Variants in TMEM207 observed in about 807,000 individuals in gnomAD.
The protein encoded by TMEM207 is transmembrane protein 207.
Under a neutral mutation model 17.4 loss-of-function variants are expected in TMEM207, and 15 were observed. The observed-to-expected ratio is 0.86, with a 90% confidence interval of 0.58 to 1.33. The LOEUF is 1.33. Ranked by LOEUF, TMEM207 falls within the 40% of genes most tolerant of loss-of-function variation. The pLI, the probability that TMEM207 is intolerant of heterozygous loss-of-function variation, is 0.00. For missense variants in TMEM207, 205 were observed against 173.8 expected (o/e 1.18, Z -1.01); for synonymous variants, 70 against 65.6 (o/e 1.07, Z -0.33).
intron 4 of TMEM207, among the ~76,000 whole-genome samples, chr3:190,434,763 T>C (rs1281265301): frequency 6.6e-6 from 1 of 152,152 alleles, no homozygotes. Flanking sequence ...AGACATGAGG[T>C]CATTGAGCGG....
At chr3:190,430,740 A>G (rs1719673990) in intron 4 of TMEM207, among the ~76,000 whole-genome samples, 1 of 152,082 alleles carries the variant, frequency 6.6e-6, no homozygotes, top group Non-Finnish European at 1.5e-5. Flanking sequence ...CATATTGTCT[A>G]TGGCTGCTGT....
At chr3:190,449,656 A>G in intron 1 of TMEM207, 79 bp downstream of exon 1, 4 of 1,315,528 alleles carry the variant, frequency 3.0e-6, no homozygotes, top group Non-Finnish European at 4.4e-6. Context: ...TTGCTCACAT[A>G]TAAATCTATA....
At chr3:190,441,568 A>G in intron 2 of TMEM207, 86 bp from the exon 3 acceptor site, 1 of 1,078,624 alleles carries the variant, frequency 9.3e-7, no homozygotes, top group Non-Finnish European at 1.4e-6. Context: ...TACTGATCAC[A>G]CTTGTTTCTC....
rs1222354171 is a variant in TMEM207, at chr3:190,440,341, C to T, written c.207G>A (p.Val69=). Residue 69 remains valine, a synonymous_variant, in exon 4 of 5, where the codon GTG becomes GTA. Transcript: ENST00000354905. ...TCAGCCAGCACTGGAGGCAGAGGAC[C>T]ACAGCTCCACAGAGAAGAGCTGCCA... is the stretch of plus-strand genomic sequence containing the variant. ...VLVAALLCGA[V]VLCLQCWLRR... 4 of 1,613,858 alleles carry T rather than the reference C, an allele frequency of 2.5e-6. No homozygotes were observed. Among genetic ancestry groups the T allele is most frequent in the Non-Finnish European group, 1.7e-6 (2 of 1,179,934 alleles).
At chr3:190,441,182 C>G (rs921668567) in intron 3 of TMEM207, among the ~76,000 whole-genome samples, 18 of 152,146 alleles carry the variant, frequency 1.2e-4, no homozygotes, top group Admixed American at 9.2e-4. Context: ...GATTTCAAGA[C>G]AAATAACAAT....
At chr3:190,431,695 A>G (rs1577441802) in intron 4 of TMEM207, among the ~76,000 whole-genome samples, 1 of 152,250 alleles carries the variant, frequency 6.6e-6, no homozygotes, top group East Asian at 1.9e-4. Context: ...AGTCAAAGGT[A>G]ACTATCTTTC....
In TMEM207 at chr3:190,429,635, C is replaced by A. The variant is rs773266581; in HGVS notation, c.401G>T (p.Gly134Val). 6.2e-7 allele frequency: 1 copy of A among 1,613,182 alleles called. No individual in the cohort carries two copies. Among genetic ancestry groups the A allele is most frequent in the Admixed American group, 1.7e-5 (1 of 59,898 alleles). ...PVPAPCFGPLGSPPPYEEIVK... is the reference protein window; with the variant it reads ...PVPAPCFGPLVSPPPYEEIVK... ...AATTTCTTCATATGGAGGTGGGGAG[C>A]CTAAAGGGCCAAAACATGGAGCAGG... The change falls in exon 5 of 5, where the codon GGC becomes GTC. Residue 134 changes from glycine to valine, a missense_variant. Coordinates refer to ENST00000354905, the MANE Select transcript of TMEM207 (RefSeq NM_207316.3).
chr3:190,444,130 T>G (rs1315852164), intron 2 of TMEM207, among the ~76,000 whole-genome samples: 1 of 152,212 alleles, frequency 6.6e-6, no homozygotes, highest in Non-Finnish European at 1.5e-5. Context: ...TTCATTGGTT[T>G]CTCTGTTACA....
intron 4 of TMEM207, 27 bp downstream of exon 4, chr3:190,440,217 G>A (rs373485354): frequency 3.2e-6 from 5 of 1,578,432 alleles, no homozygotes; most frequent in Middle Eastern, 3.4e-4. Context: ...TATCAAAAAA[G>A]AGTCCAGAAG....
chr3:190,432,488 A>G (rs1719712597), intron 4 of TMEM207, among the ~76,000 whole-genome samples: 2 of 152,236 alleles, frequency 1.3e-5, no homozygotes. Context: ...CTCCTGGGAA[A>G]TGCTCAATGA....
chr3:190,441,555 T>C lies in TMEM207; in HGVS notation c.114-73A>G. On this transcript the variant is annotated intron_variant, in intron 2 of 4. Transcript: ENST00000354905. ...GCCTATTTCTTTCACCCAATAAAAT[T>C]GGTACTGATCACACTTGTTTCTCCA... The C allele has an allele frequency of 4.0e-6, 5 of 1,240,394 alleles. No homozygotes were observed. The South Asian group carries it at 6.4e-5, about 16-fold the overall frequency. 76.8% of individuals were successfully genotyped at this position (1,240,394 alleles called of 1,614,324 possible). A position where few individuals can be genotyped will look rare whatever the true frequency, so the allele number is the denominator to read the frequency against.
At position 190,429,694 on chromosome 3, in the gene TMEM207, G is replaced by A. The variant is rs752008727; in HGVS notation, c.342C>T (p.His114=). The part of the protein sequence containing the change: ...EAAVSPTVGI[H]LQTQTPDLYP... The stretch of plus-strand genomic sequence containing the variant: ...ATAGGTCAGGGGTTTGAGTTTGAAG[G>A]TGAATTCCAACAGTTGGACTCACAG... The change falls in exon 5 of 5, where the codon CAC becomes CAT. Residue 114 remains histidine, a synonymous_variant. Coordinates refer to ENST00000354905, the MANE Select transcript of TMEM207 (RefSeq NM_207316.3). 2 of 1,612,046 alleles carry A rather than the reference G, an allele frequency of 1.2e-6. No homozygotes were observed. The highest frequency in any genetic ancestry group is 8.5e-7 in the Non-Finnish European group (1 of 1,179,108).
chr3:190,429,369 A>G lies in TMEM207; in HGVS notation c.*226T>C, dbSNP rs909417782. ...AGCATTAATTTGGTTGTGTAGCATAAAAGTATGATACAGCAGTGACACATC... is the reference window on the plus strand; with the variant it reads ...AGCATTAATTTGGTTGTGTAGCATAGAAGTATGATACAGCAGTGACACATC... On this transcript the variant is annotated 3_prime_UTR_variant, in exon 5 of 5. Transcript: ENST00000354905. 1 of 508,064 alleles carries G rather than the reference A, an allele frequency of 2.0e-6. No individual in the cohort carries two copies. The highest frequency in any genetic ancestry group is 3.5e-5 in the Admixed American group (1 of 28,718). The allele number at this position is 508,064 out of a possible 1,614,324, so 31.5% of individuals were successfully genotyped here.
At chr3:190,431,252 G>A (rs556968519) in intron 4 of TMEM207, among the ~76,000 whole-genome samples, 42 of 151,996 alleles carry the variant, frequency 2.8e-4, no homozygotes, top group Admixed American at 9.2e-4. Context: ...TATAATACTC[G>A]TGTCTACCTC....
chr3:190,447,202 C>T, intron 2 of TMEM207, among the ~76,000 whole-genome samples: 1 of 151,994 alleles, frequency 6.6e-6, no homozygotes, highest in East Asian at 1.9e-4. Flanking sequence ...TTTTCTGATA[C>T]TAAATCACAA....
At position 190,447,835 on chromosome 3, in the gene TMEM207, A is replaced by C. The variant is rs1436559465; in HGVS notation, c.76-8T>G. ...TAGGTCCGAGAGCACCAACTGAAAC[A>C]CATGTTTAGAACAATAAAATCCAAA... On this transcript the variant is annotated splice_region_variant and splice_polypyrimidine_tract_variant and intron_variant, in intron 1 of 4. Coordinates refer to ENST00000354905, the MANE Select transcript of TMEM207 (RefSeq NM_207316.3). 9 of 1,612,032 alleles carry C rather than the reference A, an allele frequency of 5.6e-6. No homozygotes were observed. The highest frequency in any genetic ancestry group is 7.6e-6 in the Non-Finnish European group (9 of 1,179,074).
chr3:190,439,882 C>G (rs1450377682), intron 4 of TMEM207, among the ~76,000 whole-genome samples: 1 of 152,182 alleles, frequency 6.6e-6, no homozygotes, highest in Non-Finnish European at 1.5e-5. Context: ...TTTATAAATA[C>G]AAGTTAAGAC....
At chr3:190,445,836 T>C (rs1720033831) in intron 2 of TMEM207, among the ~76,000 whole-genome samples, 1 of 152,034 alleles carries the variant, frequency 6.6e-6, no homozygotes. Flanking sequence ...ACCAGTTTTG[T>C]TTGTTTGTTT....
chr3:190,447,559 A>T (rs573650718), intron 2 of TMEM207, among the ~76,000 whole-genome samples: 2 of 152,116 alleles, frequency 1.3e-5, no homozygotes, highest in African/African-American at 4.8e-5. Context: ...AATATCTAGA[A>T]ATCAACTAGG....
Sources: gnomAD v4.1 joint callset for allele counts (sites outside exome capture counted in the v4.1 genomes callset) on GRCh38, gnomAD v4.1.1 for gene constraint, MANE v1.5 for transcripts, NCBI Gene and HGNC (gene_info 2026-07-23, HGNC 2026-07-21) for gene names.